JARID2: variants seen among roughly 807,000 people sequenced by gnomAD.
JARID2 encodes jumonji and AT-rich interaction domain containing 2, also known as protein Jumonji.
JARID2 carries 21 observed loss-of-function variants against 125.6 expected under a neutral mutation model. That is an observed-to-expected ratio of 0.17 (90% CI 0.12 to 0.24). The LOEUF (loss-of-function observed/expected upper bound fraction) is 0.24. JARID2 is among the 10% of genes least tolerant of loss of function. The pLI is 1.00. For missense variants in JARID2, 1,303 were observed against 1,639.6 expected, an observed-to-expected ratio of 0.79 and a Z score of 3.55; for synonymous variants, 736 against 661.6, an observed-to-expected ratio of 1.11 and a Z score of -1.73.
chr6:15,494,037 T>A (rs1381091657), intron 6 of JARID2, among the ~76,000 whole-genome samples: 1 of 152,218 alleles, frequency 6.6e-6, no homozygotes, highest in South Asian at 2.1e-4. Flanking sequence ...TCTTCGCTTC[T>A]GCCTCTTCAT....
chr6:15,453,518 C>T (rs542460270), intron 4 of JARID2, among the ~76,000 whole-genome samples: 2 of 152,288 alleles, frequency 1.3e-5, no homozygotes, highest in South Asian at 2.1e-4. Flanking sequence ...GCTGATCATT[C>T]GACTGTGGTG....
At chr6:15,500,561 T>G (rs1233190678) in intron 7 of JARID2, among the ~76,000 whole-genome samples, 1 of 152,208 alleles carries the variant, frequency 6.6e-6, no homozygotes, top group Non-Finnish European at 1.5e-5. Context: ...TGACAACACA[T>G]GTACCAGTAC....
chr6:15,462,133 C>T (rs938263089), intron 4 of JARID2, among the ~76,000 whole-genome samples: 3 of 152,074 alleles, frequency 2.0e-5, no homozygotes, highest in Non-Finnish European at 4.4e-5. Flanking sequence ...GTAATTTTGT[C>T]TTGATACAAT....
chr6:15,340,768 G>C lies in JARID2; in HGVS notation c.46-33349G>C, dbSNP rs561444655. 3.3e-5 allele frequency among the ~76,000 whole-genome samples: 5 copies of C among 152,244 alleles called. No individual in the cohort carries two copies. The South Asian group carries it at 1.0e-3, about 32-fold the overall frequency. On this transcript the variant is annotated intron_variant, in intron 1 of 17. Coordinates refer to ENST00000341776, the MANE Select transcript of JARID2 (RefSeq NM_004973.4). The stretch of plus-strand genomic sequence containing the variant: ...CGTTTGCTGGTCAGAAATGTGTCTC[G>C]TTCCTCTTTAGTGGGAAAAATGTGA...
At chr6:15,423,847 C>G (rs1023348769) in intron 3 of JARID2, among the ~76,000 whole-genome samples, 1 of 152,106 alleles carries the variant, frequency 6.6e-6, no homozygotes, top group Admixed American at 6.5e-5. Context: ...TTTTGGGTTC[C>G]TGCAACTGTG....
intron 1 of JARID2, among the ~76,000 whole-genome samples, chr6:15,344,481 G>A (rs75833347): frequency 0.041 from 6,236 of 151,114 alleles, 180 homozygotes; most frequent in Non-Finnish European, 0.061. Flanking sequence ...CAACGCAGCT[G>A]TATTGCTATG....
chr6:15,482,971 T>C (rs1197985820), intron 5 of JARID2, among the ~76,000 whole-genome samples: 1 of 152,232 alleles, frequency 6.6e-6, no homozygotes, highest in East Asian at 1.9e-4. Flanking sequence ...TCTGTCGAAC[T>C]CATGATGGCA....
intron 7 of JARID2, 122 bp from the exon 8 acceptor site, chr6:15,500,785 C>G: frequency 2.4e-6 from 2 of 843,622 alleles, no homozygotes. Flanking sequence ...ACCACTCTCA[C>G]CCCAGAGCCT....
intron 3 of JARID2, among the ~76,000 whole-genome samples, chr6:15,438,650 G>T (rs565669705): frequency 6.6e-6 from 1 of 152,284 alleles, no homozygotes; most frequent in South Asian, 2.1e-4. Flanking sequence ...ATGGTGGCTT[G>T]CCTTCCTGTG....
chr6:15,330,252 C>T (rs777763909), intron 1 of JARID2, among the ~76,000 whole-genome samples: 6 of 152,202 alleles, frequency 3.9e-5, no homozygotes, highest in African/African-American at 1.4e-4. Context: ...AAATTGGAAT[C>T]GTGCTTGTTT....
At chr6:15,300,720 TGTGA>T (rs1318582179) in intron 1 of JARID2, among the ~76,000 whole-genome samples, 155 of 130,176 alleles carry the variant, frequency 1.2e-3, no homozygotes, top group African/African-American at 3.7e-3. Flanking sequence ...TGTGTGTGTG[TGTGA>T]GAGAGAGAGA....
chr6:15,441,752 A>G (rs988980977), intron 3 of JARID2, among the ~76,000 whole-genome samples: 3 of 152,076 alleles, frequency 2.0e-5, no homozygotes, highest in East Asian at 1.9e-4. Flanking sequence ...CTATCTTAGA[A>G]GCATTCCACT....
At chr6:15,466,516 G>A (rs1768747806) in intron 4 of JARID2, among the ~76,000 whole-genome samples, 1 of 152,194 alleles carries the variant, frequency 6.6e-6, no homozygotes, top group Non-Finnish European at 1.5e-5. Flanking sequence ...TCTCCTAATG[G>A]TATGACTGAC....
At chr6:15,470,571 G>C (rs368008279) in intron 5 of JARID2, among the ~76,000 whole-genome samples, 1 of 152,228 alleles carries the variant, frequency 6.6e-6, no homozygotes, top group African/African-American at 2.4e-5. Context: ...TCTTGCTTTT[G>C]ATTGTGTTTA....
At chr6:15,489,744 T>G (rs1770056142) in intron 6 of JARID2, among the ~76,000 whole-genome samples, 1 of 152,202 alleles carries the variant, frequency 6.6e-6, no homozygotes, top group South Asian at 2.1e-4. Flanking sequence ...TCCTCTGAGT[T>G]AGTGCAGGAG....
chr6:15,420,274 G>A (rs1284304170), intron 3 of JARID2, among the ~76,000 whole-genome samples: 3 of 151,814 alleles, frequency 2.0e-5, no homozygotes, highest in Admixed American at 6.6e-5. Context: ...GTGGTGGTGC[G>A]CATCTGTAAT....
intron 2 of JARID2, among the ~76,000 whole-genome samples, chr6:15,385,433 T>G (rs1764746520): frequency 6.6e-6 from 1 of 152,144 alleles, no homozygotes; most frequent in Non-Finnish European, 1.5e-5. Flanking sequence ...ATTGTAGTAC[T>G]GTGAGGGAGG....
At chr6:15,271,661 G>T (rs1760300717) in intron 1 of JARID2, among the ~76,000 whole-genome samples, 1 of 152,036 alleles carries the variant, frequency 6.6e-6, no homozygotes, top group South Asian at 2.1e-4. Flanking sequence ...TTCTGAACCA[G>T]CAGGGACTGA....
chr6:15,467,526 C>CTTT (rs34064637), intron 4 of JARID2, among the ~76,000 whole-genome samples: 93 of 135,048 alleles, frequency 6.9e-4, no homozygotes, highest in South Asian at 2.1e-3. Flanking sequence ...CTATATTGTG[C>CTTT]TTTTTTTTTT....
Sources: gnomAD v4.1 joint callset for allele counts (sites outside exome capture counted in the v4.1 genomes callset) on GRCh38, gnomAD v4.1.1 for gene constraint, MANE v1.5 for transcripts, NCBI Gene and HGNC (gene_info 2026-07-23, HGNC 2026-07-21) for gene names.